ADARB2: variants seen among roughly 807,000 people sequenced by gnomAD.
The protein encoded by ADARB2 is adenosine deaminase RNA specific B2 (inactive).
Under a neutral mutation model 62.2 loss-of-function variants are expected in ADARB2, and 25 were observed. That is an observed-to-expected ratio of 0.40 (90% CI 0.29 to 0.56). The LOEUF is 0.56. Among genes scored for constraint, ADARB2 ranks in the 20% least tolerant of loss-of-function variants. ADARB2 has a pLI of 0.43. For synonymous variants in ADARB2, 572 were observed against 500.8 expected, an observed-to-expected ratio of 1.14 and a Z score of -1.90; for missense variants, 1,071 against 1,077.4, an observed-to-expected ratio of 0.99 and a Z score of 0.08.
At chr10:1,723,712 C>T (rs745851144) in intron 1 of ADARB2, among the ~76,000 whole-genome samples, 8 of 152,200 alleles carry the variant, frequency 5.3e-5, no homozygotes, top group Admixed American at 4.6e-4. Flanking sequence ...TTCCAAAGGG[C>T]CAGGAAGGGA....
chr10:1,330,692 C>A (rs911379692), intron 3 of ADARB2, among the ~76,000 whole-genome samples: 1 of 152,022 alleles, frequency 6.6e-6, no homozygotes, highest in Non-Finnish European at 1.5e-5. Flanking sequence ...CTTTAGGCAA[C>A]GATTCATTAG....
intron 1 of ADARB2, among the ~76,000 whole-genome samples, chr10:1,396,585 G>T (rs574409143): frequency 5.0e-4 from 76 of 151,862 alleles, no homozygotes; most frequent in African/African-American, 1.8e-3. Flanking sequence ...CTCCCCTCCC[G>T]AGTGCAGGCT....
At chr10:1,701,675 G>A (rs9663695) in intron 1 of ADARB2, among the ~76,000 whole-genome samples, 4 of 40,834 alleles carry the variant, frequency 9.8e-5, no homozygotes, top group Non-Finnish European at 1.4e-4. Context: ...GAGACCAGGC[G>A]CTCGTCAATA....
chr10:1,378,426 G>A (rs1272523599), intron 2 of ADARB2, among the ~76,000 whole-genome samples: 1 of 152,208 alleles, frequency 6.6e-6, no homozygotes, highest in Non-Finnish European at 1.5e-5. Context: ...AAGGAGAGGA[G>A]AGAATAGTCC....
At chr10:1,496,770 GCATCATCATCACCGTCAT>G (rs1297344568) in intron 1 of ADARB2, among the ~76,000 whole-genome samples, 1 of 151,732 alleles carries the variant, frequency 6.6e-6, no homozygotes, top group African/African-American at 2.4e-5. Flanking sequence ...ATTATCACCA[GCATCATCATCACCGTCAT>G]CATCATCATC....
At position 1,630,941 on chromosome 10, in the gene ADARB2, C is replaced by T. The variant is rs190572343; in HGVS notation, c.100+106110G>A. On this transcript the variant is annotated intron_variant, in intron 1 of 9. Coordinates refer to ENST00000381312, the MANE Select transcript of ADARB2 (RefSeq NM_018702.4). ...TTGCACTCCAGCCTGGGTGACAGAG[C>T]GAGACTCCTTCTCAAAAACAAACAA... is the stretch of plus-strand genomic sequence containing the variant. Among the ~76,000 whole-genome samples, 747 of 150,312 alleles carry T rather than the reference C, an allele frequency of 5.0e-3. 5 individuals are homozygous for T. Among genetic ancestry groups the T allele is most frequent in the African/African-American group, 0.017 (680 of 40,702 alleles).
At chr10:1,267,383 T>C (rs1169085718) in intron 4 of ADARB2, among the ~76,000 whole-genome samples, 2 of 152,220 alleles carry the variant, frequency 1.3e-5, no homozygotes, top group Non-Finnish European at 2.9e-5. Context: ...TTTTAGATGA[T>C]GCTTCTTGAG....
intron 1 of ADARB2, among the ~76,000 whole-genome samples, chr10:1,613,969 A>G (rs1239116777): frequency 1.3e-5 from 2 of 152,260 alleles, no homozygotes; most frequent in Non-Finnish European, 1.5e-5. Context: ...GCAAAAAGCC[A>G]GATAATAACT....
intron 1 of ADARB2, among the ~76,000 whole-genome samples, chr10:1,472,560 CAGTT>C (rs968181525): frequency 2.0e-5 from 3 of 152,166 alleles, no homozygotes; most frequent in Non-Finnish European, 4.4e-5. Context: ...GGAGAAGGAC[CAGTT>C]AGAGGAGAGA....
rs1210364339 is a variant in ADARB2, at chr10:1,327,777, G to A, written c.1077+35251C>T. Among the ~76,000 whole-genome samples, 4 of 98,896 alleles carry A rather than the reference G, an allele frequency of 4.0e-5. 1 individual carries two copies. Among genetic ancestry groups the A allele is most frequent in the Admixed American group, 9.4e-5 (1 of 10,660 alleles). 64.9% of individuals were successfully genotyped at this position (98,896 alleles called of 152,430 possible). On this transcript the variant is annotated intron_variant, in intron 3 of 9. Coordinates refer to ENST00000381312, the MANE Select transcript of ADARB2 (RefSeq NM_018702.4). ...GCACAGCGCCTCCTCACAGCTCAGC[G>A]CCTCCCCACAGCACAGCGCCTCCTC... is the stretch of plus-strand genomic sequence containing the variant.
At chr10:1,714,123 C>T (rs1410686348) in intron 1 of ADARB2, among the ~76,000 whole-genome samples, 1 of 152,178 alleles carries the variant, frequency 6.6e-6, no homozygotes, top group Admixed American at 6.5e-5. Flanking sequence ...AAACAAAAAC[C>T]AATGGACATT....
chr10:1,303,920 A>C (rs1347935794), intron 3 of ADARB2, among the ~76,000 whole-genome samples: 1 of 152,206 alleles, frequency 6.6e-6, no homozygotes, highest in African/African-American at 2.4e-5. Flanking sequence ...CTGCAAAATC[A>C]TGCCAAAATG....
intron 1 of ADARB2, among the ~76,000 whole-genome samples, chr10:1,724,321 C>A (rs1041397468): frequency 6.6e-6 from 1 of 152,212 alleles, no homozygotes; most frequent in African/African-American, 2.4e-5. Flanking sequence ...ATTATTCTAA[C>A]TGTAAAGAGC....
chr10:1,253,210 A>T (rs1426193331), intron 4 of ADARB2, among the ~76,000 whole-genome samples: 1 of 152,240 alleles, frequency 6.6e-6, no homozygotes, highest in African/African-American at 2.4e-5. Flanking sequence ...TATGATACAT[A>T]TATTTCTGTT....
intron 3 of ADARB2, among the ~76,000 whole-genome samples, chr10:1,352,182 A>T (rs1166892661): frequency 6.6e-6 from 1 of 151,874 alleles, no homozygotes; most frequent in African/African-American, 2.4e-5. Context: ...TCTCATAAAA[A>T]CACACGTGCT....
chr10:1,233,995 G>T, intron 5 of ADARB2, 150 bp from the exon 6 acceptor site: 1 of 912,270 alleles, frequency 1.1e-6, no homozygotes, highest in Non-Finnish European at 1.5e-6. Flanking sequence ...TTTTGAGACG[G>T]AGTCTTGTTC....
chr10:1,257,859 G>T (rs1055395448), intron 4 of ADARB2, among the ~76,000 whole-genome samples: 1 of 152,082 alleles, frequency 6.6e-6, no homozygotes, highest in African/African-American at 2.4e-5. Context: ...TTAAATATGG[G>T]GTCTACTGGG....
intron 1 of ADARB2, among the ~76,000 whole-genome samples, chr10:1,481,655 A>G (rs140836360): frequency 0.25 from 37,940 of 151,808 alleles, 5,205 homozygotes; most frequent in East Asian, 0.38. Flanking sequence ...TCAGGAGTTC[A>G]AGACCAGCCT....
chr10:1,520,065 A>G (rs1401533001), intron 1 of ADARB2, among the ~76,000 whole-genome samples: 2 of 152,218 alleles, frequency 1.3e-5, no homozygotes, highest in Non-Finnish European at 2.9e-5. Context: ...GCATTGGCAT[A>G]TTTGCTAGTG....
Sources: gnomAD v4.1 joint callset for allele counts (sites outside exome capture counted in the v4.1 genomes callset) on GRCh38, gnomAD v4.1.1 for gene constraint, MANE v1.5 for transcripts, NCBI Gene and HGNC (gene_info 2026-07-23, HGNC 2026-07-21) for gene names.